Variants in PAX4 observed in about 807,000 individuals in gnomAD.
PAX4 encodes the protein paired box 4, also known as paired box protein Pax-4.
In PAX4, 33 loss-of-function variants were observed where a neutral mutation model predicts 40.6. The observed-to-expected ratio is 0.81, with a 90% CI of 0.62 to 1.09. The LOEUF (loss-of-function observed/expected upper bound fraction) is 1.09. PAX4 is among the 50% of genes least tolerant of loss of function. PAX4 has a pLI of 0.00. For missense variants in PAX4, 459 were observed against 442.5 expected, an observed-to-expected ratio of 1.04 and a Z score of -0.33; for synonymous variants, 174 against 170.6, an observed-to-expected ratio of 1.02 and a Z score of -0.16.
intron 2 of PAX4, among the ~76,000 whole-genome samples, chr7:127,616,404 C>T (rs921022396): frequency 5.9e-5 from 9 of 152,178 alleles, no homozygotes; most frequent in South Asian, 2.1e-4. Flanking sequence ...AAGACACACC[C>T]GAGCCAGAGA....
intron 11 of PAX4, 62 bp downstream of exon 11, chr7:127,611,473 G>A: frequency 2.5e-6 from 4 of 1,611,194 alleles, no homozygotes; most frequent in East Asian, 2.2e-5. Flanking sequence ...TGCCCTCCTG[G>A]AGGTTGAGTC....
chr7:127,615,651 A>AGACT, intron 3 of PAX4, 120 bp from the exon 4 acceptor site: 3 of 1,584,368 alleles, frequency 1.9e-6, no homozygotes, highest in Non-Finnish European at 2.6e-6. Flanking sequence ...CTCTCCTGGG[A>AGACT]GACTGCATCC....
At chr7:127,614,095 G>C (rs1329124208) in intron 6 of PAX4, among the ~76,000 whole-genome samples, 1 of 152,092 alleles carries the variant, frequency 6.6e-6, no homozygotes, top group Non-Finnish European at 1.5e-5. Context: ...TAATGTGCAA[G>C]AGTTTGGAGG....
chr7:127,611,459 T>A, intron 11 of PAX4, 76 bp downstream of exon 11: 1 of 1,607,692 alleles, frequency 6.2e-7, no homozygotes, highest in Non-Finnish European at 8.5e-7. Context: ...CCAATGGAGA[T>A]CCATGCCCTC....
rs1419842270 is a variant in PAX4, at chr7:127,611,950, C to T, written c.766G>A (p.Ala256Thr). Residue 256 changes from alanine (A) to threonine (T), a missense_variant, in exon 10 of 12, where the codon GCA becomes ACA. Physicochemically the swap from Ala to Thr is moderately conservative, Grantham distance 58. Transcript: ENST00000639438. Reference sequence around the variant, plus strand: ...TCCCCTCTCCTCCCGAGTACCTGTGCAGAGATGATTCCTGGGGCAACCCTT... The same window carrying T: ...TCCCCTCTCCTCCCGAGTACCTGTGTAGAGATGATTCCTGGGGCAACCCTT... ...VPRVAPGIIS[A>T]QQSPGSVPTA... The T allele has an allele frequency of 1.2e-6, 2 of 1,614,116 alleles. No homozygotes were observed. The highest frequency in any genetic ancestry group is 1.7e-6 in the Non-Finnish European group (2 of 1,180,018).
At chr7:127,611,392 A>G (rs1794623063) in intron 11 of PAX4, 143 bp downstream of exon 11, 1 of 1,542,262 alleles carries the variant, frequency 6.5e-7, no homozygotes, top group African/African-American at 1.4e-5. Flanking sequence ...AGTCTCCGTA[A>G]TTTTGTGGAC....
Position 127,617,379 on chromosome 7 carries a change from T to C in PAX4, c.-204A>G, listed in dbSNP as rs1038164378. 1.3e-5 allele frequency: 2 copies of C among 152,196 alleles called. No homozygotes were observed. The allele number at this position is 152,196 out of a possible 1,614,324, so 9.4% of individuals were successfully genotyped here. A position where few individuals can be genotyped will look rare whatever the true frequency, so the allele number is the denominator to read the frequency against. On this transcript the variant is annotated 5_prime_UTR_variant, in exon 2 of 12. Transcript: ENST00000639438. ...CCAAAGAGAAAACTGAGGCACAGAT[T>C]GGCATTGCCACAAGTCAGGGGCTGT...
Position 127,614,552 on chromosome 7 carries a change from G to A in PAX4, c.366C>T (p.Ser122=), listed in dbSNP as rs1208667057. The A allele has an allele frequency of 5.0e-6, 8 of 1,589,546 alleles. No individual in the cohort carries two copies. The highest frequency in any genetic ancestry group is 6.9e-6 in the Non-Finnish European group (8 of 1,167,364). Residue 122 remains serine (S), a synonymous_variant, in exon 6 of 12, where the codon TCC becomes TCT. Coordinates refer to ENST00000639438, the MANE Select transcript of PAX4 (RefSeq NM_001366110.1). ...LCTQDKTPSV[S]SINRVLRALQ... is the part of the protein sequence containing the mutation. ...ATGCCCGCAGGACTCGGTTGATGGAGGAGACCTGGGAGTGTCAGGGTGTTG... is the reference window on the plus strand; with the variant it reads ...ATGCCCGCAGGACTCGGTTGATGGAAGAGACCTGGGAGTGTCAGGGTGTTG...
In PAX4 at chr7:127,615,385, G is replaced by T. The variant is rs138902071; in HGVS notation, c.144+16C>A. 2 of 1,614,146 alleles carry T rather than the reference G, an allele frequency of 1.2e-6. No homozygotes were observed. Among genetic ancestry groups the T allele is most frequent in the East Asian group, 2.2e-5 (1 of 44,884 alleles). ...CTTCCTGTCCCCATCACTGGGTAAAGGTGCTGGCCCATTACCTTAAGGATC... is the reference window on the plus strand; with the variant it reads ...CTTCCTGTCCCCATCACTGGGTAAATGTGCTGGCCCATTACCTTAAGGATC... On this transcript the variant is annotated intron_variant, in intron 4 of 11. Transcript: ENST00000639438.
At chr7:127,611,490 C>T in intron 11 of PAX4, 45 bp downstream of exon 11, 1 of 1,612,652 alleles carries the variant, frequency 6.2e-7, no homozygotes, top group East Asian at 2.2e-5. Flanking sequence ...AGTCAGTCGA[C>T]CCTCCCTACA....
intron 8 of PAX4, 92 bp downstream of exon 8, chr7:127,613,358 A>T: frequency 4.1e-6 from 5 of 1,229,244 alleles, no homozygotes; most frequent in South Asian, 1.2e-5. Flanking sequence ...CCAATTTCTC[A>T]CCTCCCCTCT....
At chr7:127,613,595 T>C (rs749144006) in intron 7 of PAX4, 63 bp from the exon 8 acceptor site, 257 of 1,587,936 alleles carry the variant, frequency 1.6e-4, no homozygotes, top group Non-Finnish European at 2.1e-4. Context: ...GGGTCTCCCC[T>C]TAGGCAACAC....
At chr7:127,616,760 C>T (rs1794729323) in intron 2 of PAX4, among the ~76,000 whole-genome samples, 1 of 152,234 alleles carries the variant, frequency 6.6e-6, no homozygotes, top group African/African-American at 2.4e-5. Context: ...TTTCTGGTAT[C>T]AGACACTCAT....
chr7:127,611,909 T>C (rs1226772998), intron 10 of PAX4, 36 bp downstream of exon 10: 1 of 1,613,422 alleles, frequency 6.2e-7, no homozygotes, highest in South Asian at 1.1e-5. Context: ...CCCTTCAGTC[T>C]TCCCAGGGCA....
Position 127,615,900 on chromosome 7 carries a change from C to T in PAX4, c.13+16G>A. On this transcript the variant is annotated intron_variant, in intron 3 of 11. Transcript: ENST00000639438. Reference sequence around the variant, plus strand: ...TGTTGTCCTCCCTGTCTTCCCACTTCCCCCAGGCTCCTCACCGTCCTGATG... The same window carrying T: ...TGTTGTCCTCCCTGTCTTCCCACTTTCCCCAGGCTCCTCACCGTCCTGATG... 6.5e-7 allele frequency: 1 copy of T among 1,536,044 alleles called. No individual in the cohort carries two copies. The highest frequency in any genetic ancestry group is 8.7e-7 in the Non-Finnish European group (1 of 1,146,886).
intron 7 of PAX4, 40 bp downstream of exon 7, chr7:127,613,716 C>A: frequency 6.2e-7 from 1 of 1,613,206 alleles, no homozygotes; most frequent in Middle Eastern, 1.8e-4. Flanking sequence ...CTGTGTCACA[C>A]TGAGGACTCT....
Position 127,611,684 on chromosome 7 carries a change from A to T in PAX4, c.772-8T>A, listed in dbSNP as rs1042034428. On this transcript the variant is annotated splice_region_variant and splice_polypyrimidine_tract_variant and intron_variant, in intron 10 of 11. Transcript: ENST00000639438. ...CACACTGCCAGGGGACTGCTAAAAA[A>T]AAAAAGCAAGAGAAGAACCTTAGCT... The T allele has an allele frequency of 1.2e-6, 2 of 1,609,142 alleles. No individual in the cohort carries two copies. The highest frequency in any genetic ancestry group is 2.7e-5 in the African/African-American group (2 of 74,910).
chr7:127,615,904 C>A lies in PAX4; in HGVS notation c.13+12G>T. 1 of 1,536,154 alleles carries A rather than the reference C, an allele frequency of 6.5e-7. No homozygotes were observed. Among genetic ancestry groups the A allele is most frequent in the Non-Finnish European group, 8.7e-7 (1 of 1,146,926 alleles). On this transcript the variant is annotated intron_variant, in intron 3 of 11. Coordinates refer to ENST00000639438, the MANE Select transcript of PAX4 (RefSeq NM_001366110.1). ...GTCCTCCCTGTCTTCCCACTTCCCC[C>A]AGGCTCCTCACCGTCCTGATGCATG...
intron 2 of PAX4, among the ~76,000 whole-genome samples, chr7:127,616,572 C>T (rs1794727142): frequency 6.6e-6 from 1 of 152,142 alleles, no homozygotes; most frequent in South Asian, 2.1e-4. Context: ...CAGCTCTAAC[C>T]CACCAGGCAT....
Sources: allele counts gnomAD v4.1 joint callset (sites outside exome capture counted in the v4.1 genomes callset), GRCh38; gene constraint gnomAD v4.1.1; transcripts MANE v1.5; gene names NCBI Gene and HGNC (gene_info 2026-07-23, HGNC 2026-07-21).